The following CYP19A1 variants were observed in gnomAD, a reference collection of about 807,000 sequenced individuals.
CYP19A1 encodes aromatase.
CYP19A1 carries 32 observed loss-of-function variants against 44.4 expected under a neutral mutation model. That is an observed-to-expected ratio of 0.72 (90% CI 0.54 to 0.97). The LOEUF is 0.97. Among genes scored for constraint, CYP19A1 ranks in the 50% least tolerant of loss-of-function variants. CYP19A1 has a pLI of 0.00. For missense variants in CYP19A1, 598 were observed against 637.8 expected (o/e 0.94, Z 0.67); for synonymous variants, 212 against 215.6 (o/e 0.98, Z 0.14).
intron 1 of CYP19A1, among the ~76,000 whole-genome samples, chr15:51,251,507 C>T (rs1009329691): frequency 1.3e-5 from 2 of 152,216 alleles, no homozygotes; most frequent in African/African-American, 4.8e-5. Context: ...ACTCACACCT[C>T]GCTTTTCTAT....
In CYP19A1 at chr15:51,222,492, G is replaced by A. The variant is rs773117697; in HGVS notation, c.485C>T (p.Thr162Ile). 2 of 1,614,074 alleles carry A rather than the reference G, an allele frequency of 1.2e-6. No individual in the cohort carries two copies. The highest frequency in any genetic ancestry group is 4.5e-5 in the East Asian group (2 of 44,854). The change falls in exon 5 of 10, where the codon ACA (threonine) becomes ATA (isoleucine). Residue 162 changes from threonine (T) to isoleucine (I), a missense_variant. Physicochemically the swap from Thr to Ile is moderately conservative, Grantham distance 89. Coordinates refer to ENST00000396402, the MANE Select transcript of CYP19A1 (RefSeq NM_000103.4). ...TGTTTTGAGGGATTCAGCACAGACTGTGACCATACGAACAAGGCCGGGGCC... is the reference window on the plus strand; with the variant it reads ...TGTTTTGAGGGATTCAGCACAGACTATGACCATACGAACAAGGCCGGGGCC... ...LSGPGLVRMV[T>I]VCAESLKTHL...
At chr15:51,246,314 A>C (rs2034052458) in intron 1 of CYP19A1, among the ~76,000 whole-genome samples, 1 of 152,070 alleles carries the variant, frequency 6.6e-6, no homozygotes, top group Non-Finnish European at 1.5e-5. Flanking sequence ...TGCATTTGCC[A>C]GGCCGTCTCA....
Position 51,321,335 on chromosome 15 carries a change from G to A in CYP19A1, c.-39+17160C>T, listed in dbSNP as rs929530926. Among the ~76,000 whole-genome samples, 4 of 152,040 alleles carry A rather than the reference G, an allele frequency of 2.6e-5. No homozygotes were observed. In the South Asian group the frequency reaches 8.3e-4, roughly 32 times the overall value. ...TCCCCCATGACTGCCTACTGTTGGGGGAGCCCACCACACTTTCCTTCCCAG... is the reference window on the plus strand; with the variant it reads ...TCCCCCATGACTGCCTACTGTTGGGAGAGCCCACCACACTTTCCTTCCCAG... On this transcript the variant is annotated intron_variant, in intron 1 of 9. Coordinates refer to ENST00000396402, the MANE Select transcript of CYP19A1 (RefSeq NM_000103.4).
intron 1 of CYP19A1, 50 bp from the exon 2 acceptor site, chr15:51,243,000 A>T (rs1301920728): frequency 2.2e-6 from 2 of 900,044 alleles, no homozygotes; most frequent in Admixed American, 1.7e-5. Flanking sequence ...TAAAAGGTTC[A>T]TCTATAGCTC....
intron 1 of CYP19A1, among the ~76,000 whole-genome samples, chr15:51,291,261 G>T (rs1439798231): frequency 6.6e-6 from 1 of 152,136 alleles, no homozygotes; most frequent in Non-Finnish European, 1.5e-5. Flanking sequence ...CTGGTTGCAT[G>T]GGCCCAGATG....
intron 1 of CYP19A1, among the ~76,000 whole-genome samples, chr15:51,257,003 C>T (rs1002905036): frequency 6.6e-6 from 1 of 152,156 alleles, no homozygotes; most frequent in Non-Finnish European, 1.5e-5. Context: ...TAATTGCACC[C>T]CCTCCAATCT....
chr15:51,255,295 G>A (rs1230578903), intron 1 of CYP19A1, among the ~76,000 whole-genome samples: 2 of 152,192 alleles, frequency 1.3e-5, no homozygotes, highest in Admixed American at 1.3e-4. Flanking sequence ...TTCCCACATG[G>A]TTTCTACCCA....
intron 1 of CYP19A1, among the ~76,000 whole-genome samples, chr15:51,325,188 A>G (rs1473459085): frequency 6.6e-6 from 1 of 152,162 alleles, no homozygotes; most frequent in South Asian, 2.1e-4. Flanking sequence ...ATCTCAAAAA[A>G]CATTCCCTGT....
chr15:51,262,470 T>G (rs1332518809), intron 1 of CYP19A1, among the ~76,000 whole-genome samples: 2 of 152,152 alleles, frequency 1.3e-5, no homozygotes, highest in East Asian at 3.8e-4. Context: ...CCATGAGCTT[T>G]CATCAGCCCT....
intron 1 of CYP19A1, among the ~76,000 whole-genome samples, chr15:51,278,422 T>C (rs1275820853): frequency 1.3e-5 from 2 of 152,182 alleles, no homozygotes; most frequent in African/African-American, 4.8e-5. Context: ...CTCTGAAACT[T>C]TGGCTCCTCG....
intron 5 of CYP19A1, among the ~76,000 whole-genome samples, chr15:51,220,506 A>G (rs548244700): frequency 4.6e-5 from 7 of 152,366 alleles, no homozygotes; most frequent in Non-Finnish European, 1.0e-4. Context: ...GTATGAATCA[A>G]TGAACACTGG....
intron 1 of CYP19A1, among the ~76,000 whole-genome samples, chr15:51,248,761 C>T (rs1201246715): frequency 3.9e-5 from 6 of 152,092 alleles, no homozygotes; most frequent in Non-Finnish European, 5.9e-5. Flanking sequence ...CAGCTTTGTC[C>T]GGCTTTTATT....
Position 51,208,498 on chromosome 15 carries a change from G to A in CYP19A1, c.*2310C>T, listed in dbSNP as rs1043140430. 2.6e-5 allele frequency: 4 copies of A among 152,000 alleles called. No homozygotes were observed. Among genetic ancestry groups the A allele is most frequent in the African/African-American group, 9.7e-5 (4 of 41,388 alleles). 9.4% of individuals were successfully genotyped at this position (152,000 alleles called of 1,614,324 possible). ...AGCACATTGCACATTCAAGAGTGACGGTTAAGCACTTAACAATGGGGCAAA... is the reference window on the plus strand; with the variant it reads ...AGCACATTGCACATTCAAGAGTGACAGTTAAGCACTTAACAATGGGGCAAA... On this transcript the variant is annotated 3_prime_UTR_variant, in exon 10 of 10. Transcript: ENST00000396402.
intron 1 of CYP19A1, among the ~76,000 whole-genome samples, chr15:51,322,858 T>G (rs2036549298): frequency 6.6e-6 from 1 of 152,222 alleles, no homozygotes; most frequent in Non-Finnish European, 1.5e-5. Context: ...CCATAACCTG[T>G]GATCCCATTA....
intron 1 of CYP19A1, among the ~76,000 whole-genome samples, chr15:51,275,262 C>T (rs1051768740): frequency 2.0e-5 from 3 of 152,230 alleles, no homozygotes; most frequent in Non-Finnish European, 2.9e-5. Context: ...TGAGCACCCA[C>T]CTCTGGCTCA....
intron 1 of CYP19A1, chr15:51,323,939 CG>C (rs1256135596): frequency 1.3e-5 from 2 of 152,214 alleles, no homozygotes; most frequent in Non-Finnish European, 2.9e-5. Context: ...GAAAGGACAA[CG>C]GGACTCTGTG....
At chr15:51,216,910 T>C (rs1338714655) in intron 6 of CYP19A1, among the ~76,000 whole-genome samples, 1 of 152,238 alleles carries the variant, frequency 6.6e-6, no homozygotes, top group Non-Finnish European at 1.5e-5. Flanking sequence ...CAATTTTTCT[T>C]ATCTCTGTCC....
chr15:51,232,661 A>C (rs1259881523), intron 3 of CYP19A1, among the ~76,000 whole-genome samples: 1 of 151,890 alleles, frequency 6.6e-6, no homozygotes, highest in East Asian at 1.9e-4. Context: ...CACACCCTAC[A>C]TCCAATCTGT....
In CYP19A1 at chr15:51,286,635, G is replaced by A. The variant is rs1402379963; in HGVS notation, c.-38-43685C>T. 2.0e-5 allele frequency among the ~76,000 whole-genome samples: 3 copies of A among 152,120 alleles called. No homozygotes were observed. The South Asian group carries it at 6.2e-4, about 32-fold the overall frequency. ...AAAGGGAATCCTCCCCAAGAAAAAC[G>A]AAGACCCTTCCACCATGAGTACCCC... On this transcript the variant is annotated intron_variant, in intron 1 of 9. Coordinates refer to ENST00000396402, the MANE Select transcript of CYP19A1 (RefSeq NM_000103.4).
Sources: gnomAD v4.1 joint callset for allele counts (sites outside exome capture counted in the v4.1 genomes callset) on GRCh38, gnomAD v4.1.1 for gene constraint, MANE v1.5 for transcripts, NCBI Gene and HGNC (gene_info 2026-07-23, HGNC 2026-07-21) for gene names.